Variants in CHST9 observed in about 807,000 individuals in gnomAD.
CHST9 encodes the protein GalNAc-4-sulfotransferase 2.
In CHST9, 41 loss-of-function variants were observed where a neutral mutation model predicts 44.4. The observed-to-expected ratio is 0.92, with a 90% CI of 0.72 to 1.20. CHST9 has a LOEUF of 1.20. Among genes scored for constraint, CHST9 ranks in the 50% most tolerant of loss-of-function variants. The probability of loss-of-function intolerance (pLI) is 0.00; values close to 1 mark genes in which losing one functional copy is unlikely to be tolerated. For synonymous variants in CHST9, 171 were observed against 178.4 expected (o/e 0.96, Z 0.33); for missense variants, 504 against 516.5 (o/e 0.98, Z 0.23).
At chr18:26,992,615 T>A (rs898703964) in intron 4 of CHST9, among the ~76,000 whole-genome samples, 5 of 152,066 alleles carry the variant, frequency 3.3e-5, no homozygotes, top group African/African-American at 1.2e-4. Flanking sequence ...GCTTTGAAAT[T>A]CTTTCTTTTT....
intron 1 of CHST9, among the ~76,000 whole-genome samples, chr18:27,155,086 T>C (rs2058688188): frequency 9.2e-6 from 1 of 108,754 alleles, no homozygotes; most frequent in Non-Finnish European, 2.0e-5. Context: ...TTTCAAAAGT[T>C]AAAAAAAAAA....
At chr18:27,172,454 G>A (rs1008051018) in intron 1 of CHST9, among the ~76,000 whole-genome samples, 12 of 151,872 alleles carry the variant, frequency 7.9e-5, no homozygotes, top group African/African-American at 2.9e-4. Flanking sequence ...AGGGGGATAG[G>A]GGTATAAGAG....
chr18:26,975,705 A>ATG (rs1598609122), intron 4 of CHST9, among the ~76,000 whole-genome samples: 1 of 52,964 alleles, frequency 1.9e-5, no homozygotes. Context: ...ATATATGTGT[A>ATG]TATATGTGTG....
intron 4 of CHST9, among the ~76,000 whole-genome samples, chr18:26,957,869 C>A (rs966231337): frequency 3.6e-4 from 54 of 151,828 alleles, no homozygotes; most frequent in African/African-American, 1.2e-3. Context: ...CTACTTATTT[C>A]TTTCTTTCTT....
At chr18:27,042,609 C>T (rs1404065638) in intron 3 of CHST9, among the ~76,000 whole-genome samples, 2 of 152,038 alleles carry the variant, frequency 1.3e-5, no homozygotes, top group African/African-American at 4.8e-5. Context: ...ATTTAACCTT[C>T]CCAATCTCAG....
chr18:26,955,732 G>A (rs1338550942), intron 4 of CHST9, among the ~76,000 whole-genome samples: 1 of 152,084 alleles, frequency 6.6e-6, no homozygotes, highest in Non-Finnish European at 1.5e-5. Flanking sequence ...TGGTGGTAAG[G>A]AACATATCCA....
chr18:27,113,733 G>A (rs773551581), intron 2 of CHST9, among the ~76,000 whole-genome samples: 1 of 152,134 alleles, frequency 6.6e-6, no homozygotes, highest in African/African-American at 2.4e-5. Context: ...CTAGAATGAT[G>A]AGACATAAAT....
At chr18:27,126,467 G>C (rs760749006) in intron 2 of CHST9, among the ~76,000 whole-genome samples, 8 of 152,114 alleles carry the variant, frequency 5.3e-5, no homozygotes, top group Non-Finnish European at 1.2e-4. Flanking sequence ...GAAGAATAGA[G>C]AGCACAAGGG....
chr18:27,024,064 T>TG (rs1568137569), intron 4 of CHST9, 52 bp downstream of exon 4: 51 of 1,539,354 alleles, frequency 3.3e-5, no homozygotes, highest in Middle Eastern at 3.4e-4. Context: ...TAGTTGTTGC[T>TG]CTGCTTATCT....
chr18:26,961,743 A>G (rs1038692640), intron 4 of CHST9, among the ~76,000 whole-genome samples: 16 of 152,238 alleles, frequency 1.1e-4, no homozygotes, highest in Admixed American at 9.2e-4. Flanking sequence ...TTGCTTTTCA[A>G]AACTTTTTTA....
intron 3 of CHST9, among the ~76,000 whole-genome samples, chr18:27,029,112 A>C (rs1452299329): frequency 6.6e-6 from 1 of 152,136 alleles, no homozygotes; most frequent in Non-Finnish European, 1.5e-5. Context: ...GTGCTGCTGC[A>C]GACCAGAAAG....
At chr18:27,136,378 T>C (rs781720735) in intron 2 of CHST9, among the ~76,000 whole-genome samples, 5 of 152,116 alleles carry the variant, frequency 3.3e-5, no homozygotes, top group African/African-American at 4.8e-5. Context: ...GCACGGAGTG[T>C]CATTCTGCAC....
At chr18:27,123,085 A>C (rs956785882) in intron 2 of CHST9, among the ~76,000 whole-genome samples, 2 of 152,222 alleles carry the variant, frequency 1.3e-5, no homozygotes, top group Non-Finnish European at 2.9e-5. Context: ...AATAACATAC[A>C]GATCAAGCAC....
chr18:27,178,320 G>A (rs1048007411), intron 1 of CHST9, among the ~76,000 whole-genome samples: 3 of 151,862 alleles, frequency 2.0e-5, no homozygotes, highest in Non-Finnish European at 4.4e-5. Context: ...AATCTCAAGT[G>A]CTGCGCTTAC....
At chr18:26,941,958 T>TG (rs958623992) in intron 5 of CHST9, among the ~76,000 whole-genome samples, 6 of 152,166 alleles carry the variant, frequency 3.9e-5, no homozygotes, top group Admixed American at 6.5e-5. Flanking sequence ...CTGCCTGATG[T>TG]GGGGGGGAGA....
rs1328618019 is a variant in CHST9, at chr18:27,133,603, G to A, written c.121+9086C>T. Among the ~76,000 whole-genome samples the A allele has an allele frequency of 4.6e-5, 7 of 152,282 alleles. 1 individual carries two copies. The South Asian group carries it at 1.2e-3, about 27-fold the overall frequency. ...CAAAATACAAGTTTCCTGCCCTCAG[G>A]AAGCCTCCATTTTACTGGGAGATGC... On this transcript the variant is annotated intron_variant, in intron 2 of 5. Coordinates refer to ENST00000618847, the MANE Select transcript of CHST9 (RefSeq NM_031422.6).
At chr18:27,098,437 C>T (rs2058139062) in intron 2 of CHST9, among the ~76,000 whole-genome samples, 1 of 152,100 alleles carries the variant, frequency 6.6e-6, no homozygotes, top group Admixed American at 6.5e-5. Flanking sequence ...TTTGACCCAG[C>T]AATCCCATTA....
chr18:26,924,271 T>C (rs17694707), intron 5 of CHST9, among the ~76,000 whole-genome samples: 9,727 of 152,120 alleles, frequency 0.064, 416 homozygotes, highest in South Asian at 0.16. Flanking sequence ...ATTCGAAGCA[T>C]AAGGGTGACA....
At chr18:27,176,379 CA>C (rs1426048113) in intron 1 of CHST9, among the ~76,000 whole-genome samples, 1 of 151,842 alleles carries the variant, frequency 6.6e-6, no homozygotes, top group Non-Finnish European at 1.5e-5. Flanking sequence ...TTTTTCTACA[CA>C]AAGGATGGTG....
Sources: allele counts gnomAD v4.1 joint callset (sites outside exome capture counted in the v4.1 genomes callset), GRCh38; gene constraint gnomAD v4.1.1; transcripts MANE v1.5; gene names NCBI Gene and HGNC (gene_info 2026-07-23, HGNC 2026-07-21).